The following NALCN variants were observed in gnomAD, a reference collection of about 807,000 sequenced individuals.
The protein encoded by NALCN is sodium leak channel NALCN.
A neutral mutation model predicts 225.3 loss-of-function variants in NALCN; 111 were observed. The observed-to-expected ratio is 0.49, with a 90% CI of 0.42 to 0.58. The LOEUF (loss-of-function observed/expected upper bound fraction) is 0.58. Among genes scored for constraint, NALCN ranks in the 20% least tolerant of loss-of-function variants. The pLI is 0.00. For missense variants in NALCN, 1,378 were observed against 2,202.4 expected (o/e 0.63, Z 7.49); for synonymous variants, 764 against 769.0 (o/e 0.99, Z 0.11).
At chr13:101,114,680 A>C (rs555560846) in intron 18 of NALCN, among the ~76,000 whole-genome samples, 1 of 152,324 alleles carries the variant, frequency 6.6e-6, no homozygotes, top group Admixed American at 6.5e-5. Flanking sequence ...GACATGACTA[A>C]GGGATGCCCA....
At chr13:101,070,063 GTTTTTT>G (rs71121162) in intron 37 of NALCN, among the ~76,000 whole-genome samples, 2 of 98,314 alleles carry the variant, frequency 2.0e-5, no homozygotes, top group Non-Finnish European at 1.8e-5. Context: ...AATCATGAAT[GTTTTTT>G]TTTTTTTTTT....
At chr13:101,221,017 G>A (rs992110699) in intron 13 of NALCN, among the ~76,000 whole-genome samples, 9 of 152,206 alleles carry the variant, frequency 5.9e-5, no homozygotes, top group African/African-American at 2.2e-4. Flanking sequence ...AAAGCAATGG[G>A]GCATTGATGC....
chr13:101,395,294 G>A lies in NALCN; in HGVS notation c.180C>T (p.Thr60=), dbSNP rs983019202. 3 of 1,614,070 alleles carry A rather than the reference G, an allele frequency of 1.9e-6. No individual in the cohort carries two copies. In the South Asian group the frequency reaches 3.3e-5, roughly 18 times the overall value. The change falls in exon 3 of 44, where the codon ACC becomes ACT. Residue 60 remains threonine (T), a synonymous_variant. Transcript: ENST00000251127. ...VISVCMNTPM[T]FEHYPPLQYV... is the part of the protein sequence containing the mutation. ...ACTGAAGTGGAGGATAGTGCTCGAA[G>A]GTCATTGGCGTATTCATACAAACAG...
intron 17 of NALCN, among the ~76,000 whole-genome samples, chr13:101,142,092 TATATAA>T (rs1276806821): frequency 6.6e-6 from 1 of 151,682 alleles, no homozygotes; most frequent in African/African-American, 2.4e-5. Context: ...TATGTGTGTA[TATATAA>T]ATATGTTTAC....
intron 1 of NALCN, among the ~76,000 whole-genome samples, chr13:101,409,369 G>A (rs1307211387): frequency 6.6e-6 from 1 of 152,048 alleles, no homozygotes; most frequent in African/African-American, 2.4e-5. Flanking sequence ...TTAACTACAG[G>A]CACAATGTCA....
At chr13:101,082,092 G>T (rs1287262646) in intron 33 of NALCN, among the ~76,000 whole-genome samples, 1 of 152,062 alleles carries the variant, frequency 6.6e-6, no homozygotes, top group East Asian at 1.9e-4. Context: ...TGGCCAGGCT[G>T]GTCTCAAACT....
At chr13:101,313,904 AC>A (rs1214291491) in intron 7 of NALCN, among the ~76,000 whole-genome samples, 3 of 152,156 alleles carry the variant, frequency 2.0e-5, no homozygotes, top group African/African-American at 7.2e-5. Context: ...AAGACTTGGA[AC>A]CAACCCAAAT....
intron 11 of NALCN, among the ~76,000 whole-genome samples, chr13:101,245,578 G>A (rs1333759): frequency 0.45 from 68,275 of 151,798 alleles, 17,067 homozygotes; most frequent in East Asian, 0.58. Flanking sequence ...CCCCAACTAA[G>A]AACATATTTT....
chr13:101,378,731 A>T, intron 3 of NALCN, 78 bp from the exon 4 acceptor site: 1 of 1,209,018 alleles, frequency 8.3e-7, no homozygotes, highest in Admixed American at 2.0e-5. Flanking sequence ...AATGTCAAAT[A>T]TTATTTCAAT....
At chr13:101,129,343 T>C (rs985170781) in intron 17 of NALCN, among the ~76,000 whole-genome samples, 3 of 152,244 alleles carry the variant, frequency 2.0e-5, no homozygotes, top group Non-Finnish European at 4.4e-5. Flanking sequence ...TTAAACTTAT[T>C]TAATGTTTAA....
At chr13:101,159,015 T>C (rs548803583) in intron 15 of NALCN, among the ~76,000 whole-genome samples, 8 of 152,024 alleles carry the variant, frequency 5.3e-5, no homozygotes, top group Non-Finnish European at 1.0e-4. Context: ...AAATCCAGAG[T>C]AAGATGAAAT....
At chr13:101,068,236 T>C (rs572919062) in intron 38 of NALCN, among the ~76,000 whole-genome samples, 9 of 152,264 alleles carry the variant, frequency 5.9e-5, no homozygotes, top group African/African-American at 1.9e-4. Flanking sequence ...TTCCAAAACA[T>C]GAGGGTCGTA....
intron 7 of NALCN, among the ~76,000 whole-genome samples, chr13:101,316,705 T>C (rs1166721058): frequency 6.6e-6 from 1 of 152,230 alleles, no homozygotes; most frequent in Non-Finnish European, 1.5e-5. Context: ...ATTTCTTGTA[T>C]ACATTGCAAG....
chr13:101,337,879 T>C (rs953450559), intron 7 of NALCN, among the ~76,000 whole-genome samples: 10 of 152,144 alleles, frequency 6.6e-5, no homozygotes, highest in African/African-American at 2.2e-4. Flanking sequence ...GGCTTCCAAA[T>C]GCGGCTGGTA....
chr13:101,347,487 C>T (rs75492098), intron 6 of NALCN, among the ~76,000 whole-genome samples: 3,076 of 152,246 alleles, frequency 0.02, 111 homozygotes, highest in African/African-American at 0.07. Flanking sequence ...CTCATTCTTA[C>T]ATGTAGGCCA....
At position 101,075,918 on chromosome 13, in the gene NALCN, G is replaced by A. The variant is rs143218624; in HGVS notation, c.3909C>T (p.Gly1303=). The change falls in exon 35 of 44, where the codon GGC becomes GGT. Residue 1303 remains glycine (G), a synonymous_variant. Transcript: ENST00000251127. Reference sequence around the variant, plus strand: ...AAAACCTAAATACAATCACACAAGCGCCCATCATGTAAGTATATGCATTCT... The same window carrying A: ...AAAACCTAAATACAATCACACAAGCACCCATCATGTAAGTATATGCATTCT... ...ALLNAYTYMM[G]ACVIVFRFFS... The A allele has an allele frequency of 8.7e-6, 14 of 1,609,552 alleles. No homozygotes were observed. The East Asian group carries it at 9.0e-5, about 10-fold the overall frequency.
chr13:101,069,482 T>C (rs189741304), intron 37 of NALCN, among the ~76,000 whole-genome samples: 331 of 152,352 alleles, frequency 2.2e-3, no homozygotes, highest in Non-Finnish European at 3.5e-3. Flanking sequence ...CTGCTGGTGG[T>C]GGAGGGTCTT....
At chr13:101,077,417 G>C (rs187267517) in intron 34 of NALCN, among the ~76,000 whole-genome samples, 35 of 152,272 alleles carry the variant, frequency 2.3e-4, no homozygotes, top group African/African-American at 8.4e-4. Flanking sequence ...CTTCCTACTT[G>C]TTGGATAGCT....
intron 40 of NALCN, among the ~76,000 whole-genome samples, chr13:101,062,613 CT>C (rs1356127549): frequency 1.3e-5 from 2 of 151,866 alleles, no homozygotes; most frequent in East Asian, 1.9e-4. Flanking sequence ...TTAATTTTTT[CT>C]TTTTTTGAGA....
Sources: allele counts gnomAD v4.1 joint callset (sites outside exome capture counted in the v4.1 genomes callset), GRCh38; gene constraint gnomAD v4.1.1; transcripts MANE v1.5; gene names NCBI Gene and HGNC (gene_info 2026-07-23, HGNC 2026-07-21).